Variants in GRID1 observed in about 807,000 individuals in gnomAD.
The protein encoded by GRID1 is glutamate receptor ionotropic, delta-1.
GRID1 carries 28 observed loss-of-function variants against 98.0 expected under a neutral mutation model. That is an observed-to-expected ratio of 0.29 (90% CI 0.21 to 0.39). GRID1 has a LOEUF of 0.39. GRID1 is among the 10% of genes least tolerant of loss of function. The pLI is 1.00. For synonymous variants in GRID1, 553 were observed against 538.5 expected, an observed-to-expected ratio of 1.03 and a Z score of -0.37; for missense variants, 1,111 against 1,340.5, an observed-to-expected ratio of 0.83 and a Z score of 2.67.
chr10:85,614,680 G>A (rs12772379), intron 14 of GRID1, among the ~76,000 whole-genome samples: 6 of 152,188 alleles, frequency 3.9e-5, no homozygotes, highest in Non-Finnish European at 5.9e-5. Context: ...ACTATTGGGT[G>A]ATATGGGAGC....
At chr10:86,124,013 G>A (rs1844716030) in intron 4 of GRID1, among the ~76,000 whole-genome samples, 1 of 152,176 alleles carries the variant, frequency 6.6e-6, no homozygotes, top group South Asian at 2.1e-4. Flanking sequence ...AGGCCTCGTG[G>A]CCCAGGCAAG....
intron 8 of GRID1, among the ~76,000 whole-genome samples, chr10:85,730,195 T>C (rs1404816974): frequency 6.6e-6 from 1 of 152,214 alleles, no homozygotes; most frequent in Non-Finnish European, 1.5e-5. Flanking sequence ...GCAGAGTAAA[T>C]GTGCTCTGAA....
At chr10:85,834,015 T>A (rs1190831294) in intron 8 of GRID1, among the ~76,000 whole-genome samples, 1 of 152,122 alleles carries the variant, frequency 6.6e-6, no homozygotes, top group East Asian at 1.9e-4. Context: ...AACGCCAACA[T>A]TAATTCCACT....
intron 2 of GRID1, among the ~76,000 whole-genome samples, chr10:86,218,208 A>G (rs1846203982): frequency 6.6e-6 from 1 of 151,932 alleles, no homozygotes; most frequent in Non-Finnish European, 1.5e-5. Context: ...GCACCAGCAA[A>G]GGTATATGCA....
At chr10:85,903,812 T>C (rs1160991529) in intron 5 of GRID1, among the ~76,000 whole-genome samples, 5 of 152,184 alleles carry the variant, frequency 3.3e-5, no homozygotes, top group Admixed American at 2.0e-4. Context: ...ACACCTGTTC[T>C]CTCCTTCAAC....
At chr10:85,798,667 G>A (rs1437351917) in intron 8 of GRID1, among the ~76,000 whole-genome samples, 1 of 151,984 alleles carries the variant, frequency 6.6e-6, no homozygotes, top group East Asian at 1.9e-4. Context: ...CTTCTGAGAA[G>A]TTCATATTAA....
At chr10:86,134,377 A>G (rs866860800) in intron 4 of GRID1, among the ~76,000 whole-genome samples, 1 of 152,202 alleles carries the variant, frequency 6.6e-6, no homozygotes, top group Non-Finnish European at 1.5e-5. Context: ...ACGGAGAGAG[A>G]GGTGGATGAC....
intron 8 of GRID1, among the ~76,000 whole-genome samples, chr10:85,836,756 T>C (rs1163181866): frequency 2.6e-5 from 4 of 152,014 alleles, no homozygotes; most frequent in African/African-American, 4.8e-5. Flanking sequence ...AGGGTGGTCT[T>C]GCACATCAAA....
intron 4 of GRID1, among the ~76,000 whole-genome samples, chr10:86,113,085 C>T (rs1844513670): frequency 6.6e-6 from 1 of 152,166 alleles, no homozygotes; most frequent in Admixed American, 6.5e-5. Context: ...TCTTACTCAT[C>T]TGATGCATGC....
chr10:86,089,237 A>G (rs1844107963), intron 4 of GRID1, among the ~76,000 whole-genome samples: 1 of 152,174 alleles, frequency 6.6e-6, no homozygotes, highest in African/African-American at 2.4e-5. Context: ...GGGGAGCAGT[A>G]ACGATGCATC....
At chr10:86,253,548 G>C (rs975810304) in intron 2 of GRID1, among the ~76,000 whole-genome samples, 1 of 152,078 alleles carries the variant, frequency 6.6e-6, no homozygotes, top group Non-Finnish European at 1.5e-5. Context: ...CAGCCCATCC[G>C]AACACTCCTC....
At chr10:85,871,605 T>C (rs78287213) in intron 5 of GRID1, among the ~76,000 whole-genome samples, 9,097 of 152,284 alleles carry the variant, frequency 0.06, 310 homozygotes, top group Non-Finnish European at 0.071. Context: ...CATTCTAGCT[T>C]TGAGACAATA....
chr10:85,856,354 C>A (rs1590267463), intron 6 of GRID1, among the ~76,000 whole-genome samples, 164 bp from the exon 7 acceptor site: 1 of 152,160 alleles, frequency 6.6e-6, no homozygotes. Flanking sequence ...AAAAACCCAG[C>A]CAGCTTCTAG....
In GRID1 at chr10:86,055,553, G is replaced by A. The variant is rs1354581807; in HGVS notation, c.726+83266C>T. 3.3e-5 allele frequency among the ~76,000 whole-genome samples: 5 copies of A among 152,090 alleles called. 1 individual carries two copies. Among genetic ancestry groups the A allele is most frequent in the Admixed American group, 3.3e-4 (5 of 15,270 alleles). The stretch of plus-strand genomic sequence containing the variant: ...AGGTCAGGAGTTTGAGACCAGCCTG[G>A]CCAACATGGTGAAACCCTGTCTCTA... On this transcript the variant is annotated intron_variant, in intron 4 of 15. Coordinates refer to ENST00000327946, the MANE Select transcript of GRID1 (RefSeq NM_017551.3).
At chr10:86,284,301 T>G (rs1479267195) in intron 2 of GRID1, among the ~76,000 whole-genome samples, 1 of 151,970 alleles carries the variant, frequency 6.6e-6, no homozygotes, top group Non-Finnish European at 1.5e-5. Flanking sequence ...CATTCACCCC[T>G]ACACACACAC....
intron 12 of GRID1, among the ~76,000 whole-genome samples, chr10:85,715,908 T>A (rs983507832): frequency 3.2e-5 from 1 of 31,714 alleles, no homozygotes; most frequent in East Asian, 3.5e-4. Flanking sequence ...GAACTAACCT[T>A]TTTTTTTTTT....
At chr10:85,690,019 T>C (rs1841315068) in intron 12 of GRID1, among the ~76,000 whole-genome samples, 1 of 152,132 alleles carries the variant, frequency 6.6e-6, no homozygotes, top group Non-Finnish European at 1.5e-5. Flanking sequence ...GTAAAATGAT[T>C]CTCAGATTTT....
chr10:86,293,050 C>T (rs1464196735), intron 2 of GRID1, among the ~76,000 whole-genome samples: 2 of 152,184 alleles, frequency 1.3e-5, no homozygotes, highest in Non-Finnish European at 2.9e-5. Flanking sequence ...CACTCCTGAG[C>T]CTGGCACCAT....
intron 3 of GRID1, among the ~76,000 whole-genome samples, chr10:86,140,082 T>C (rs1351196911): frequency 1.3e-5 from 2 of 152,242 alleles, no homozygotes; most frequent in Non-Finnish European, 2.9e-5. Context: ...TCCAGTTCCA[T>C]GAGCCAGTGA....
Sources: allele counts gnomAD v4.1 joint callset (sites outside exome capture counted in the v4.1 genomes callset), GRCh38; gene constraint gnomAD v4.1.1; transcripts MANE v1.5; gene names NCBI Gene and HGNC (gene_info 2026-07-23, HGNC 2026-07-21).